FUT8: variants seen among roughly 807,000 people sequenced by gnomAD.
FUT8 encodes fucosyltransferase 8.
In FUT8, 29 loss-of-function variants were observed where a neutral mutation model predicts 71.3. The ratio of observed to expected loss-of-function variants is 0.41; its 90% confidence interval spans 0.30 to 0.55. The LOEUF (loss-of-function observed/expected upper bound fraction) is 0.55. Among genes scored for constraint, FUT8 ranks in the 20% least tolerant of loss-of-function variants. The probability of loss-of-function intolerance (pLI) is 0.34; values close to 1 mark genes in which losing one functional copy is unlikely to be tolerated. For missense variants in FUT8, 544 were observed against 702.1 expected, an observed-to-expected ratio of 0.77 and a Z score of 2.55; for synonymous variants, 254 against 239.3, an observed-to-expected ratio of 1.06 and a Z score of -0.57.
At chr14:65,580,744 G>C (rs1887046155) in intron 3 of FUT8, among the ~76,000 whole-genome samples, 1 of 152,024 alleles carries the variant, frequency 6.6e-6, no homozygotes, top group African/African-American at 2.4e-5. Context: ...TGTCTTTTTA[G>C]GTGTTCCTGC....
chr14:65,738,576 C>G (rs575255909), intron 10 of FUT8, among the ~76,000 whole-genome samples: 1 of 152,184 alleles, frequency 6.6e-6, no homozygotes, highest in South Asian at 2.1e-4. Flanking sequence ...CACTGCTTTG[C>G]AAACCATGGA....
In FUT8 at chr14:65,619,499, C is replaced by T. The variant is rs147223612; in HGVS notation, c.482+3126C>T. Among the ~76,000 whole-genome samples the T allele has an allele frequency of 1.3e-4, 20 of 152,306 alleles. No homozygotes were observed. The East Asian group carries it at 1.5e-3, about 12-fold the overall frequency. ...AAGTTTGATCTAAGATTCAACTCAC[C>T]TGAGATTTTTAGCAAAATACTATTT... On this transcript the variant is annotated intron_variant, in intron 5 of 10. Transcript: ENST00000673929.
intron 3 of FUT8, among the ~76,000 whole-genome samples, chr14:65,575,577 T>TTCCG (rs1211898608): frequency 6.6e-4 from 2 of 3,010 alleles, no homozygotes; most frequent in Non-Finnish European, 6.1e-3. Context: ...CTTTCCTTCC[T>TTCCG]TCCTTCTTCC....
At chr14:65,385,843 A>G in the FUT8 span, among the ~76,000 whole-genome samples, 52 of 151,810 alleles carry the variant, frequency 3.4e-4, no homozygotes, top group Non-Finnish European at 7.2e-4. Flanking sequence ...CACCCAGCCT[A>G]TTATATTTCG....
Position 65,660,322 on chromosome 14 carries a change from A to G in FUT8, c.598-8921A>G, listed in dbSNP as rs549114174. On this transcript the variant is annotated intron_variant, in intron 6 of 10. Transcript: ENST00000673929. The surrounding 1 kb of genome is among the most constrained non-coding windows in gnomAD (Gnocchi z 4.1). ...TTTCTATTGGATTTATGGAATTTCC[A>G]TCTTTTAAAAATGACTTTAAAGCAT... is the stretch of plus-strand genomic sequence containing the variant. Among the ~76,000 whole-genome samples, 2 of 152,308 alleles carry G rather than the reference A, an allele frequency of 1.3e-5. No homozygotes were observed. Among genetic ancestry groups the G allele is most frequent in the Admixed American group, 1.3e-4 (2 of 15,294 alleles).
chr14:65,521,082 CT>C (rs1883046254), intron 2 of FUT8, among the ~76,000 whole-genome samples: 1 of 151,768 alleles, frequency 6.6e-6, no homozygotes, highest in Non-Finnish European at 1.5e-5. Context: ...CATTTTCGCC[CT>C]CATATTTTAA....
intron 2 of FUT8, among the ~76,000 whole-genome samples, chr14:65,557,711 A>G (rs1285547313): frequency 2.6e-5 from 4 of 151,978 alleles, no homozygotes; most frequent in African/African-American, 7.2e-5. Context: ...ATTTCAGTAC[A>G]TTTAGTATAT....
the FUT8 span, among the ~76,000 whole-genome samples, chr14:65,368,735 A>G: frequency 6.7e-5 from 10 of 150,050 alleles, no homozygotes; most frequent in South Asian, 1.1e-3. Flanking sequence ...GTTAGCCAGG[A>G]TGGTCTCGAT....
chr14:65,428,888 C>T (rs903453465), intron 1 of FUT8, among the ~76,000 whole-genome samples: 6 of 152,170 alleles, frequency 3.9e-5, no homozygotes, highest in African/African-American at 1.2e-4. Flanking sequence ...TGCCAAGCTG[C>T]ACTCAAGGTA....
At chr14:65,602,036 G>A (rs1888315361) in intron 3 of FUT8, among the ~76,000 whole-genome samples, 1 of 151,618 alleles carries the variant, frequency 6.6e-6, no homozygotes, top group African/African-American at 2.4e-5. Flanking sequence ...CGTTATATAA[G>A]TTCTTCAGTG....
chr14:65,690,561 G>A (rs1217630175), intron 7 of FUT8, among the ~76,000 whole-genome samples: 1 of 151,634 alleles, frequency 6.6e-6, no homozygotes, highest in African/African-American at 2.4e-5. Context: ...TCTTTCTTCA[G>A]TTTTATAATT....
chr14:65,437,837 G>C (rs1353376589), intron 1 of FUT8, among the ~76,000 whole-genome samples: 1 of 152,174 alleles, frequency 6.6e-6, no homozygotes, highest in African/African-American at 2.4e-5. Context: ...GAGTAAAGAA[G>C]AGGAGTTTAG....
In FUT8 at chr14:65,659,173, GTGTTTTT is replaced by G. The variant is rs1022823918; in HGVS notation, c.598-10056_598-10050del. 3.0e-4 allele frequency among the ~76,000 whole-genome samples: 46 copies of G among 151,758 alleles called. 1 individual carries two copies. The South Asian group carries it at 6.2e-3, about 21-fold the overall frequency. ...GTGGTTTGAGAAAGGTGATCTTGAGGTGTTTTTTGTTTTTTGTTTTGTTTTTTTTTCA... is the reference window on the plus strand; with the variant it reads ...GTGGTTTGAGAAAGGTGATCTTGAGGTGTTTTTTGTTTTGTTTTTTTTTCA... On this transcript the variant is annotated intron_variant, in intron 6 of 10. Transcript: ENST00000673929.
At chr14:65,568,611 G>A (rs1188853940) in intron 3 of FUT8, among the ~76,000 whole-genome samples, 4 of 150,698 alleles carry the variant, frequency 2.7e-5, no homozygotes, top group African/African-American at 9.7e-5. Context: ...TTGATTTCTA[G>A]TTTGTTCTTC....
intron 6 of FUT8, among the ~76,000 whole-genome samples, chr14:65,657,697 G>C (rs1185540884): frequency 6.6e-6 from 1 of 152,062 alleles, no homozygotes; most frequent in Non-Finnish European, 1.5e-5. Flanking sequence ...TGTGGGGGCG[G>C]GTAAGGGGAC....
chr14:65,692,144 G>A (rs1468413426), intron 7 of FUT8, among the ~76,000 whole-genome samples: 4 of 152,030 alleles, frequency 2.6e-5, no homozygotes, highest in Non-Finnish European at 5.9e-5. Context: ...GTGGTGGCCG[G>A]GCAGAGGGGC....
intron 2 of FUT8, among the ~76,000 whole-genome samples, chr14:65,456,976 G>T (rs559933679): frequency 2.0e-5 from 3 of 151,966 alleles, no homozygotes; most frequent in Non-Finnish European, 4.4e-5. Flanking sequence ...TAAAATCAGG[G>T]TAATTGGAAT....
At chr14:65,533,404 C>T (rs1373798564) in intron 2 of FUT8, among the ~76,000 whole-genome samples, 1 of 152,050 alleles carries the variant, frequency 6.6e-6, no homozygotes, top group Non-Finnish European at 1.5e-5. Flanking sequence ...GTATTTTATT[C>T]TTTTTGTGGC....
chr14:65,661,755 G>A (rs1891975973), intron 6 of FUT8, among the ~76,000 whole-genome samples: 1 of 152,214 alleles, frequency 6.6e-6, no homozygotes, highest in African/African-American at 2.4e-5. Context: ...CCTAGTAGTA[G>A]TGCCTAAGTA....
Sources: allele counts gnomAD v4.1 joint callset (sites outside exome capture counted in the v4.1 genomes callset), GRCh38; gene constraint gnomAD v4.1.1; non-coding constraint Gnocchi (gnomAD v3.1); transcripts MANE v1.5; gene names NCBI Gene and HGNC (gene_info 2026-07-23, HGNC 2026-07-21).